The following COL11A1 variants were observed in gnomAD, a reference collection of about 807,000 sequenced individuals.
The protein encoded by COL11A1 is collagen type XI alpha 1 chain.
Under a neutral mutation model 265.2 loss-of-function variants are expected in COL11A1, and 74 were observed. The ratio of observed to expected loss-of-function variants is 0.28; its 90% CI spans 0.23 to 0.34. The LOEUF (loss-of-function observed/expected upper bound fraction) is 0.34. Among genes scored for constraint, COL11A1 ranks in the 10% least tolerant of loss-of-function variants. The probability of loss-of-function intolerance (pLI) is 1.00; values close to 1 mark genes in which losing one functional copy is unlikely to be tolerated. For synonymous variants in COL11A1, 816 were observed against 727.6 expected (o/e 1.12, Z -1.96); for missense variants, 2,165 against 2,263.6 (o/e 0.96, Z 0.88).
At chr1:102,914,901 T>A (rs1655136782) in intron 50 of COL11A1, 90 bp from the exon 51 acceptor site, 2 of 1,011,106 alleles carry the variant, frequency 2.0e-6, no homozygotes, top group Non-Finnish European at 3.0e-6. Flanking sequence ...CTTGGCACAC[T>A]GGGCCAGAAT....
intron 4 of COL11A1, among the ~76,000 whole-genome samples, chr1:103,072,984 AAACT>A (rs1459994870): frequency 1.3e-5 from 2 of 151,812 alleles, no homozygotes; most frequent in African/African-American, 2.4e-5. Flanking sequence ...AACATTTTAA[AAACT>A]AACTACACTT....
At chr1:103,042,820 G>C (rs1668918887) in intron 4 of COL11A1, among the ~76,000 whole-genome samples, 1 of 151,702 alleles carries the variant, frequency 6.6e-6, no homozygotes, top group Non-Finnish European at 1.5e-5. Context: ...CCTGAAGAGA[G>C]TTCTGTTTTC....
rs984888723 is a variant in COL11A1 at position 102,877,352 on chromosome 1, C to T, written c.*667G>A. 1.3e-5 allele frequency: 2 copies of T among 152,560 alleles called. No individual in the cohort carries two copies. Among genetic ancestry groups the T allele is most frequent in the African/African-American group, 4.8e-5 (2 of 41,446 alleles). 9.5% of individuals were successfully genotyped at this position (152,560 alleles called of 1,614,324 possible). A position where few individuals can be genotyped will look rare whatever the true frequency, so the allele number is the denominator to read the frequency against. On this transcript the variant is annotated 3_prime_UTR_variant, in exon 67 of 67. Transcript: ENST00000370096. ...TGACTGTCGGCAGAGAAGAGTTGAT[C>T]AGAGTGTGCTTCCAAAAGTCTTCCA...
chr1:102,966,557 T>C (rs1570892794), intron 37 of COL11A1, among the ~76,000 whole-genome samples: 1 of 152,244 alleles, frequency 6.6e-6, no homozygotes, highest in East Asian at 1.9e-4. Flanking sequence ...ACTTTCAGGG[T>C]TCTATTTGAG....
At chr1:102,987,891 G>C (rs984808575) in intron 29 of COL11A1, 151 bp from the exon 30 acceptor site, 13 of 681,638 alleles carry the variant, frequency 1.9e-5, no homozygotes, top group Non-Finnish European at 3.4e-5. Flanking sequence ...CCTGGGCATG[G>C]AGCAAGCTAA....
intron 42 of COL11A1, among the ~76,000 whole-genome samples, chr1:102,941,680 C>T (rs992411358): frequency 2.0e-5 from 3 of 152,190 alleles, no homozygotes; most frequent in Admixed American, 6.5e-5. Flanking sequence ...TCATCTTTTA[C>T]ATCTCACCAT....
chr1:103,002,515 G>A (rs1228566486), intron 22 of COL11A1, 34 bp from the exon 23 acceptor site: 1 of 1,536,440 alleles, frequency 6.5e-7, no homozygotes, highest in East Asian at 2.3e-5. Flanking sequence ...TTTTTAATGG[G>A]CTATATTACA....
rs541318381 is a variant in COL11A1 at position 103,032,365 on chromosome 1, C to T, written c.652-1121G>A. ...GGAAATAATTCATTCTACATTTATA[C>T]CACAATATTCATTTTTTTATTAACA... On this transcript the variant is annotated intron_variant, in intron 4 of 66. Coordinates refer to ENST00000370096, the MANE Select transcript of COL11A1 (RefSeq NM_001854.4). 2.6e-5 allele frequency among the ~76,000 whole-genome samples: 4 copies of T among 152,104 alleles called. No individual in the cohort carries two copies. In the South Asian group the frequency reaches 8.3e-4, roughly 32 times the overall value.
intron 45 of COL11A1, 132 bp downstream of exon 45, chr1:102,934,928 T>G: frequency 1.2e-6 from 1 of 822,920 alleles, no homozygotes; most frequent in South Asian, 1.5e-5. Context: ...TTTGATAATT[T>G]AAATTTGATT....
rs115634769 is a variant in COL11A1, at chr1:103,040,937, C to T, written c.652-9693G>A. 1.7e-3 allele frequency among the ~76,000 whole-genome samples: 260 copies of T among 151,738 alleles called. 1 individual carries two copies. Among genetic ancestry groups the T allele is most frequent in the African/African-American group, 5.6e-3 (231 of 41,504 alleles). The stretch of plus-strand genomic sequence containing the variant: ...TATATTTTACATTTAGAGCACATCT[C>T]AATTTGAATGCTAATTATTAATGAT... On this transcript the variant is annotated intron_variant, in intron 4 of 66. Coordinates refer to ENST00000370096, the MANE Select transcript of COL11A1 (RefSeq NM_001854.4).
At chr1:103,072,317 T>G (rs938415243) in intron 4 of COL11A1, among the ~76,000 whole-genome samples, 4 of 151,946 alleles carry the variant, frequency 2.6e-5, no homozygotes, top group African/African-American at 9.7e-5. Context: ...TAGGGCAGTG[T>G]ATACATGAAA....
At chr1:103,041,381 T>TC (rs1557984418) in intron 4 of COL11A1, among the ~76,000 whole-genome samples, 1 of 151,832 alleles carries the variant, frequency 6.6e-6, no homozygotes, top group African/African-American at 2.4e-5. Context: ...ATCATCCTTT[T>TC]TTTTTGGTGC....
chr1:103,009,952 A>T (rs1257604532), intron 14 of COL11A1, among the ~76,000 whole-genome samples: 1 of 152,178 alleles, frequency 6.6e-6, no homozygotes, highest in East Asian at 1.9e-4. Flanking sequence ...CAATTATGCA[A>T]TTATAGAATG....
In COL11A1 at chr1:103,005,824, T is replaced by G. The variant is rs369345126; in HGVS notation, c.1845+14A>C. On this transcript the variant is annotated intron_variant, in intron 18 of 66. Coordinates refer to ENST00000370096, the MANE Select transcript of COL11A1 (RefSeq NM_001854.4). ...ATAACATTCCCTGGAAAAAAAGGAA[T>G]AGATGTATCTTACCCTGTGACCTTT... 1 of 1,613,804 alleles carries G rather than the reference T, an allele frequency of 6.2e-7. No homozygotes were observed. Among genetic ancestry groups the G allele is most frequent in the South Asian group, 1.1e-5 (1 of 91,006 alleles).
intron 42 of COL11A1, 69 bp downstream of exon 42, chr1:102,946,759 GTGGTGTATGAAAAGCTAATAT>G: frequency 1.0e-6 from 1 of 978,422 alleles, no homozygotes. Context: ...AGAGAATACG[GTGGTGTATGAAAAGCTAATAT>G]TATTGAATAA....
chr1:103,006,190 T>TAAATAAAC, intron 16 of COL11A1, 69 bp from the exon 17 acceptor site: 1 of 1,284,132 alleles, frequency 7.8e-7, no homozygotes, highest in South Asian at 1.8e-5. Flanking sequence ...AATAAATAAA[T>TAAATAAAC]AAATAAATAA....
chr1:103,021,313 G>T (rs551382365), intron 9 of COL11A1, among the ~76,000 whole-genome samples: 1 of 152,062 alleles, frequency 6.6e-6, no homozygotes, highest in South Asian at 2.1e-4. Flanking sequence ...TTCAAATAAT[G>T]TGAAGTCATA....
At chr1:103,048,067 T>G (rs1388109053) in intron 4 of COL11A1, among the ~76,000 whole-genome samples, 1 of 152,174 alleles carries the variant, frequency 6.6e-6, no homozygotes, top group Non-Finnish European at 1.5e-5. Flanking sequence ...AAATTCTCAT[T>G]TTTGATTGTG....
chr1:102,897,999 A>G (rs1570661861), intron 57 of COL11A1, 126 bp downstream of exon 57: 2 of 435,204 alleles, frequency 4.6e-6, no homozygotes, highest in South Asian at 7.1e-5. Flanking sequence ...ACAAAATAAT[A>G]TACTTCTTGG....
Sources: gnomAD v4.1 joint callset for allele counts (sites outside exome capture counted in the v4.1 genomes callset) on GRCh38, gnomAD v4.1.1 for gene constraint, MANE v1.5 for transcripts, NCBI Gene and HGNC (gene_info 2026-07-23, HGNC 2026-07-21) for gene names.